QTGAL: variants seen among roughly 807,000 people sequenced by gnomAD.
QTGAL encodes the protein BGnT-like protein 1.
chr17:82,958,556 A>T, the QTGAL span, among the ~76,000 whole-genome samples: 3 of 151,942 alleles, frequency 2.0e-5, no homozygotes, highest in Non-Finnish European at 4.4e-5. Context: ...CTCCCCCCCA[A>T]CCCTGTGGCA....
At chr17:83,004,600 A>C in the QTGAL span, among the ~76,000 whole-genome samples, 1 of 50,612 alleles carries the variant, frequency 2.0e-5, no homozygotes, top group Non-Finnish European at 4.0e-5. Flanking sequence ...TGCAGTCCGC[A>C]TGTGGGATTC....
chr17:83,026,625 A>G, the QTGAL span, among the ~76,000 whole-genome samples: 8 of 134,930 alleles, frequency 5.9e-5, no homozygotes, highest in South Asian at 2.5e-4. Context: ...TACACAGAGG[A>G]GGGCAGGAAG....
chr17:83,032,081 A>AACCAGGTCAG, the QTGAL span, among the ~76,000 whole-genome samples: 1 of 152,224 alleles, frequency 6.6e-6, no homozygotes, highest in Admixed American at 6.5e-5. Flanking sequence ...GGAGCTGAAC[A>AACCAGGTCAG]ACCAGGTCAG....
chr17:82,984,853 C>T, the QTGAL span, among the ~76,000 whole-genome samples: 7 of 152,154 alleles, frequency 4.6e-5, no homozygotes, highest in Non-Finnish European at 1.0e-4. Context: ...GAGTGCGGCC[C>T]ACCCCGGGTA....
At chr17:82,992,313 G>A in the QTGAL span, among the ~76,000 whole-genome samples, 1 of 151,958 alleles carries the variant, frequency 6.6e-6, no homozygotes, top group Non-Finnish European at 1.5e-5. Context: ...CAAGAGAAAA[G>A]AAACAAATAA....
chr17:83,019,723 A>G, the QTGAL span, among the ~76,000 whole-genome samples: 1 of 152,230 alleles, frequency 6.6e-6, no homozygotes, highest in African/African-American at 2.4e-5. Flanking sequence ...GACAAACTTG[A>G]ACAATAGAAC....
At chr17:82,980,203 A>G in the QTGAL span, among the ~76,000 whole-genome samples, 1 of 152,252 alleles carries the variant, frequency 6.6e-6, no homozygotes, top group Non-Finnish European at 1.5e-5. Flanking sequence ...ACATCAAAAA[A>G]TATCAATTAA....
chr17:83,024,069 C>T, the QTGAL span, among the ~76,000 whole-genome samples: 4 of 152,190 alleles, frequency 2.6e-5, no homozygotes, highest in East Asian at 3.8e-4. Context: ...TCGCCTGATA[C>T]GAGGTCCTGT....
the QTGAL span, among the ~76,000 whole-genome samples, chr17:83,027,005 GA>G: frequency 2.7e-5 from 4 of 149,836 alleles, no homozygotes; most frequent in East Asian, 4.0e-4. Flanking sequence ...CAGACACACA[GA>G]GCGGGGCAGG....
At chr17:83,045,066 C>A in the QTGAL span, among the ~76,000 whole-genome samples, 1 of 152,186 alleles carries the variant, frequency 6.6e-6, no homozygotes, top group African/African-American at 2.4e-5. Context: ...ACTATTAAAG[C>A]TAATAAACTA....
chr17:82,960,621 A>G, the QTGAL span: 1,006 of 159,272 alleles, frequency 6.3e-3, 10 homozygotes, highest in African/African-American at 0.023. Context: ...AGGGAGGCGG[A>G]CCCCGCAGCA....
the QTGAL span, chr17:82,946,898 G>A: frequency 1.3e-6 from 2 of 1,560,838 alleles, no homozygotes; most frequent in Non-Finnish European, 8.7e-7. Context: ...GCTGCCATGG[G>A]TCCGTCAGCT....
chr17:83,040,499 C>G, the QTGAL span, among the ~76,000 whole-genome samples: 1 of 152,272 alleles, frequency 6.6e-6, no homozygotes, highest in South Asian at 2.1e-4. Flanking sequence ...GAAACCTGAA[C>G]ACAGCTTGAC....
At chr17:82,945,068 T>C in the QTGAL span, 1 of 152,128 alleles carries the variant, frequency 6.6e-6, no homozygotes, top group African/African-American at 2.4e-5. Flanking sequence ...AAAACCTCTC[T>C]GGTAGAATGT....
chr17:83,024,011 G>A, the QTGAL span, among the ~76,000 whole-genome samples: 6 of 152,348 alleles, frequency 3.9e-5, no homozygotes, highest in African/African-American at 7.2e-5. Flanking sequence ...ACACCGGACC[G>A]TGTGTCTCTA....
chr17:82,993,504 C>T, the QTGAL span, among the ~76,000 whole-genome samples: 2 of 151,860 alleles, frequency 1.3e-5, no homozygotes, highest in Non-Finnish European at 2.9e-5. Flanking sequence ...AAGAGATAGA[C>T]CCTCAATATA....
chr17:83,016,632 G>GAGTAGGGAAGAGA, the QTGAL span, among the ~76,000 whole-genome samples: 1 of 138,616 alleles, frequency 7.2e-6, no homozygotes, highest in Non-Finnish European at 1.6e-5. Context: ...AGGGAGGAGG[G>GAGTAGGGAAGAGA]ACAGAAGAAG....
the QTGAL span, chr17:83,049,135 C>T: frequency 3.8e-5 from 8 of 211,984 alleles, no homozygotes; most frequent in African/African-American, 9.5e-5. Context: ...CTCCTGTAGT[C>T]CCAGCTACTC....
the QTGAL span, among the ~76,000 whole-genome samples, chr17:82,956,480 C>T: frequency 2.0e-5 from 3 of 152,358 alleles, no homozygotes; most frequent in East Asian, 5.8e-4. The surrounding 1 kb of genome is among the most constrained non-coding windows in gnomAD (Gnocchi z 5.7). Flanking sequence ...ATGCAGGCCA[C>T]CCTCTCCAGC....
Sources: gnomAD v4.1 joint callset for allele counts (sites outside exome capture counted in the v4.1 genomes callset) on GRCh38, gnomAD v4.1.1 for gene constraint, Gnocchi (gnomAD v3.1) non-coding constraint, MANE v1.5 for transcripts, NCBI Gene and HGNC (gene_info 2026-07-23, HGNC 2026-07-21) for gene names.